Variants in ILRUN observed in about 807,000 individuals in gnomAD.
ILRUN encodes the protein inflammation and lipid regulator with UBA-like and NBR1-like domains, also known as protein ILRUN.
ILRUN carries 3 observed loss-of-function variants against 33.8 expected under a neutral mutation model. The ratio of observed to expected loss-of-function variants is 0.09; its 90% CI spans 0.04 to 0.23. ILRUN has a LOEUF of 0.23. Ranked by LOEUF, ILRUN falls within the 10% of genes least tolerant of loss-of-function variation. ILRUN has a pLI of 1.00. For missense variants in ILRUN, 210 were observed against 375.1 expected (o/e 0.56, Z 3.64); for synonymous variants, 124 against 138.9 (o/e 0.89, Z 0.75).
At chr6:34,619,453 T>C (rs1034947178) in intron 3 of ILRUN, among the ~76,000 whole-genome samples, 3 of 152,080 alleles carry the variant, frequency 2.0e-5, no homozygotes, top group African/African-American at 7.2e-5. Context: ...CCTCCTGGGC[T>C]CAAGTGATCC....
chr6:34,691,623 C>T (rs1763651942), intron 1 of ILRUN, among the ~76,000 whole-genome samples: 1 of 152,096 alleles, frequency 6.6e-6, no homozygotes, highest in Admixed American at 6.5e-5. Context: ...TGGTAAAACC[C>T]CGTCTCTACC....
chr6:34,605,001 A>C (rs1459820061), intron 4 of ILRUN, among the ~76,000 whole-genome samples: 1 of 152,194 alleles, frequency 6.6e-6, no homozygotes, highest in African/African-American at 2.4e-5. Flanking sequence ...CTCTTGATCT[A>C]GACCACATTT....
Position 34,606,544 on chromosome 6 carries a change from A to G in ILRUN, c.861+11T>C. 6.2e-7 allele frequency: 1 copy of G among 1,606,514 alleles called. No homozygotes were observed. Among genetic ancestry groups the G allele is most frequent in the Non-Finnish European group, 8.5e-7 (1 of 1,175,064 alleles). On this transcript the variant is annotated intron_variant, in intron 4 of 4. Coordinates refer to ENST00000374023, the MANE Select transcript of ILRUN (RefSeq NM_024294.4). ...CACCACCTACCCCTTCTCTTCTCCA[A>G]GGGCACCTACCTTACTGTAAGTCAC...
intron 3 of ILRUN, among the ~76,000 whole-genome samples, chr6:34,636,469 C>T (rs1762370609): frequency 6.6e-6 from 1 of 151,964 alleles, no homozygotes; most frequent in Non-Finnish European, 1.5e-5. Flanking sequence ...CTTGCCATTT[C>T]AAGGTAAAAC....
chr6:34,620,871 T>A (rs1254433030), intron 3 of ILRUN, among the ~76,000 whole-genome samples: 1 of 152,224 alleles, frequency 6.6e-6, no homozygotes, highest in East Asian at 1.9e-4. Context: ...ATTATGTTGA[T>A]AACATCTGCC....
Position 34,646,579 on chromosome 6 carries a change from G to C in ILRUN, c.511+22C>G. The C allele has an allele frequency of 3.1e-6, 5 of 1,610,524 alleles. No homozygotes were observed. The highest frequency in any genetic ancestry group is 4.2e-6 in the Non-Finnish European group (5 of 1,177,388). On this transcript the variant is annotated intron_variant, in intron 3 of 4. Coordinates refer to ENST00000374023, the MANE Select transcript of ILRUN (RefSeq NM_024294.4). The surrounding 1 kb of genome is among the most constrained non-coding windows in gnomAD (Gnocchi z 4.9). Reference sequence around the variant, plus strand: ...ATGTTACCTTAGTTCCTTTACCCTGGGCTGCACAAGGACATACTCACCTCC... The same window carrying C: ...ATGTTACCTTAGTTCCTTTACCCTGCGCTGCACAAGGACATACTCACCTCC...
At chr6:34,624,006 A>G (rs994233960) in intron 3 of ILRUN, among the ~76,000 whole-genome samples, 2 of 151,794 alleles carry the variant, frequency 1.3e-5, no homozygotes, top group Non-Finnish European at 2.9e-5. Context: ...TAATTTTTGT[A>G]TTTTTAGTAG....
rs139340461 is a variant in ILRUN at position 34,613,755 on chromosome 6, T to C, written c.512-6851A>G. Among the ~76,000 whole-genome samples, 24 of 152,350 alleles carry C rather than the reference T, an allele frequency of 1.6e-4. No individual in the cohort carries two copies. The East Asian group carries it at 4.2e-3, about 27-fold the overall frequency. ...ACGGAATCAGTTGTAGATACGTCCATATACAAAAGTTGGTGTGCATACATG... is the reference window on the plus strand; with the variant it reads ...ACGGAATCAGTTGTAGATACGTCCACATACAAAAGTTGGTGTGCATACATG... On this transcript the variant is annotated intron_variant, in intron 3 of 4. Coordinates refer to ENST00000374023, the MANE Select transcript of ILRUN (RefSeq NM_024294.4).
chr6:34,658,055 G>C (rs914748660), intron 1 of ILRUN, among the ~76,000 whole-genome samples: 3 of 152,190 alleles, frequency 2.0e-5, no homozygotes, highest in African/African-American at 7.2e-5. Flanking sequence ...CACAGATTAA[G>C]ATGGATGCTG....
In ILRUN at chr6:34,646,508, T is replaced by C. The variant is rs1762566827; in HGVS notation, c.511+93A>G. The C allele has an allele frequency of 7.4e-6, 9 of 1,223,702 alleles. No homozygotes were observed. The highest frequency in any genetic ancestry group is 1.0e-5 in the Non-Finnish European group (9 of 860,256). 75.8% of individuals were successfully genotyped at this position (1,223,702 alleles called of 1,614,324 possible). A position where few individuals can be genotyped will look rare whatever the true frequency, so the allele number is the denominator to read the frequency against. Reference sequence around the variant, plus strand: ...CTGTTAAAAAGAGGCCATGCCCTGTTATGCAATTTGACAGGCTCTGTGAGC... The same window carrying C: ...CTGTTAAAAAGAGGCCATGCCCTGTCATGCAATTTGACAGGCTCTGTGAGC... On this transcript the variant is annotated intron_variant, in intron 3 of 4. Coordinates refer to ENST00000374023, the MANE Select transcript of ILRUN (RefSeq NM_024294.4). The surrounding 1 kb of genome is among the most constrained non-coding windows in gnomAD (Gnocchi z 4.9).
intron 3 of ILRUN, among the ~76,000 whole-genome samples, chr6:34,636,223 T>G (rs1762365349): frequency 6.6e-6 from 1 of 152,062 alleles, no homozygotes; most frequent in Non-Finnish European, 1.5e-5. Context: ...CCAGCCTGGA[T>G]GATAGAGTGA....
chr6:34,672,253 A>G (rs553969947), intron 1 of ILRUN, among the ~76,000 whole-genome samples: 1 of 151,936 alleles, frequency 6.6e-6, no homozygotes, highest in South Asian at 2.1e-4. Context: ...ACCACCACAC[A>G]TGGCTAATTT....
intron 1 of ILRUN, among the ~76,000 whole-genome samples, chr6:34,673,827 C>CCACACACACA (rs537172828): frequency 8.4e-5 from 9 of 107,740 alleles, no homozygotes; most frequent in Admixed American, 7.5e-4. Flanking sequence ...ACAGTAACAA[C>CCACACACACA]CACATACACA....
chr6:34,620,330 A>G (rs1432097159), intron 3 of ILRUN, among the ~76,000 whole-genome samples: 6 of 152,166 alleles, frequency 3.9e-5, no homozygotes, highest in Non-Finnish European at 7.4e-5. Context: ...CTCAATAAGG[A>G]GCAAATTATT....
chr6:34,674,128 G>T (rs778288875), intron 1 of ILRUN, among the ~76,000 whole-genome samples: 11 of 152,112 alleles, frequency 7.2e-5, no homozygotes, highest in Non-Finnish European at 1.5e-4. Flanking sequence ...CCGGGTTCAA[G>T]CAATTCTCCT....
At chr6:34,628,906 A>C (rs868524093) in intron 3 of ILRUN, among the ~76,000 whole-genome samples, 2 of 152,044 alleles carry the variant, frequency 1.3e-5, no homozygotes, top group African/African-American at 4.8e-5. Flanking sequence ...GCTTGACCCA[A>C]GAGTTCAAGA....
chr6:34,591,277 C>A (rs2127305418), intron 4 of ILRUN, among the ~76,000 whole-genome samples: 1 of 152,256 alleles, frequency 6.6e-6, no homozygotes, highest in Non-Finnish European at 1.5e-5. Context: ...GATCACTTGA[C>A]CCCAGGAGCT....
At chr6:34,621,647 T>C (rs1218553183) in intron 3 of ILRUN, among the ~76,000 whole-genome samples, 1 of 152,118 alleles carries the variant, frequency 6.6e-6, no homozygotes, top group Non-Finnish European at 1.5e-5. Context: ...TCACTTGAGA[T>C]TAGGAGTTCG....
rs202130755 is a variant in ILRUN, at chr6:34,651,749, T to TTATA, written c.313+2872_313+2875dup. The stretch of plus-strand genomic sequence containing the variant: ...CCTCATTTATTAAAAAAAAAAAAAA[T>TTATA]TATATATATATATATATCTCACTGG... On this transcript the variant is annotated intron_variant, in intron 2 of 4. Transcript: ENST00000374023. Among the ~76,000 whole-genome samples the TTATA allele has an allele frequency of 1.6e-4, 23 of 139,756 alleles. No individual in the cohort carries two copies. The East Asian group carries it at 2.5e-3, about 15-fold the overall frequency. The allele number at this position is 139,756 out of a possible 152,430, so 91.7% of individuals were successfully genotyped here.
Sources: allele counts gnomAD v4.1 joint callset (sites outside exome capture counted in the v4.1 genomes callset), GRCh38; gene constraint gnomAD v4.1.1; non-coding constraint Gnocchi (gnomAD v3.1); transcripts MANE v1.5; gene names NCBI Gene and HGNC (gene_info 2026-07-23, HGNC 2026-07-21).